Variants in MDFIC observed in about 807,000 individuals in gnomAD.
MDFIC encodes the protein myoD family inhibitor domain-containing protein.
MDFIC carries 17 observed loss-of-function variants against 23.2 expected under a neutral mutation model. That is an observed-to-expected ratio of 0.73 (90% CI 0.50 to 1.10). MDFIC has a LOEUF of 1.10. MDFIC is among the 50% of genes least tolerant of loss of function. The probability of loss-of-function intolerance (pLI) is 0.00; values close to 1 mark genes in which losing one functional copy is unlikely to be tolerated. For missense variants in MDFIC, 356 were observed against 316.6 expected (o/e 1.12, Z -0.95); for synonymous variants, 120 against 115.2 (o/e 1.04, Z -0.27).
At chr7:114,996,622 A>G (rs1176349366) in intron 4 of MDFIC, among the ~76,000 whole-genome samples, 1 of 152,190 alleles carries the variant, frequency 6.6e-6, no homozygotes, top group African/African-American at 2.4e-5. Flanking sequence ...AAGGTGCAGA[A>G]TGTATAGTGG....
chr7:115,002,431 A>T (rs1791483540), intron 4 of MDFIC, among the ~76,000 whole-genome samples: 1 of 152,158 alleles, frequency 6.6e-6, no homozygotes, highest in South Asian at 2.1e-4. Context: ...ATATGTCCCA[A>T]ATTCCTGCAA....
chr7:114,940,949 T>C (rs190652140), intron 2 of MDFIC, among the ~76,000 whole-genome samples: 5 of 152,228 alleles, frequency 3.3e-5, no homozygotes, highest in Admixed American at 3.3e-4. Context: ...AATTAAACTC[T>C]TATCAACTTC....
At chr7:114,985,358 G>A (rs1793492623) in intron 4 of MDFIC, among the ~76,000 whole-genome samples, 1 of 152,224 alleles carries the variant, frequency 6.6e-6, no homozygotes, top group Admixed American at 6.5e-5. Flanking sequence ...TAGCTTCTTG[G>A]AAAAGTCAAT....
At chr7:114,951,274 G>A (rs1045199472) in intron 3 of MDFIC, among the ~76,000 whole-genome samples, 1 of 152,094 alleles carries the variant, frequency 6.6e-6, no homozygotes, top group East Asian at 1.9e-4. Context: ...TTGGCCTAAG[G>A]TCAGTCACCT....
chr7:115,011,081 G>A (rs1445394583), intron 4 of MDFIC, among the ~76,000 whole-genome samples: 2 of 152,202 alleles, frequency 1.3e-5, no homozygotes, highest in Non-Finnish European at 2.9e-5. Flanking sequence ...TCAACCCAGT[G>A]TTAGAAGTGA....
At chr7:114,945,992 G>A (rs148643999) in intron 3 of MDFIC, among the ~76,000 whole-genome samples, 1 of 152,136 alleles carries the variant, frequency 6.6e-6, no homozygotes, top group Non-Finnish European at 1.5e-5. Context: ...TGGTATAATT[G>A]AAGCTATGCC....
chr7:114,923,276 G>T, intron 2 of MDFIC, 149 bp downstream of exon 2: 1 of 1,269,712 alleles, frequency 7.9e-7, no homozygotes, highest in Non-Finnish European at 1.1e-6. Context: ...CGTTACTCAG[G>T]CAAGTTCTTC....
intron 4 of MDFIC, among the ~76,000 whole-genome samples, chr7:115,011,373 A>T (rs1483960457): frequency 6.6e-6 from 1 of 152,216 alleles, no homozygotes; most frequent in East Asian, 1.9e-4. Context: ...TGAAAAATTG[A>T]TGAAAACGTC....
intron 4 of MDFIC, among the ~76,000 whole-genome samples, chr7:114,999,273 A>G (rs1791409551): frequency 6.6e-6 from 1 of 152,192 alleles, no homozygotes; most frequent in Admixed American, 6.5e-5. Flanking sequence ...AGTTATGGGT[A>G]CATAGCTTAA....
chr7:114,922,579 C>T lies in MDFIC; in HGVS notation c.-165C>T. ...CCGGAGGCTCGCTAACTTTCCGGGG[C>T]GGAAGAGGAGGAGGAGGAGGAGGAA... On this transcript the variant is annotated 5_prime_UTR_variant, in exon 1 of 5. Transcript: ENST00000393486. 7.9e-7 allele frequency: 1 copy of T among 1,264,048 alleles called. No homozygotes were observed. The highest frequency in any genetic ancestry group is 1.0e-6 in the Non-Finnish European group (1 of 997,906). The allele number at this position is 1,264,048 out of a possible 1,614,324, so 78.3% of individuals were successfully genotyped here.
In MDFIC at chr7:115,016,116, A is replaced by C. The variant is rs1486918372; in HGVS notation, c.*181A>C. On this transcript the variant is annotated 3_prime_UTR_variant, in exon 5 of 5. Transcript: ENST00000393486. ...CAAATCTACATGGTTTAATATGTGAAATTTTAACTACTTTAACTAGTTTTA... is the reference window on the plus strand; with the variant it reads ...CAAATCTACATGGTTTAATATGTGACATTTTAACTACTTTAACTAGTTTTA... 11 of 599,822 alleles carry C rather than the reference A, an allele frequency of 1.8e-5. No homozygotes were observed. The highest frequency in any genetic ancestry group is 1.4e-4 in the South Asian group (6 of 42,280). 37.2% of individuals were successfully genotyped at this position (599,822 alleles called of 1,614,324 possible). A position where few individuals can be genotyped will look rare whatever the true frequency, so the allele number is the denominator to read the frequency against.
chr7:114,973,792 C>T (rs1227508169), intron 3 of MDFIC, among the ~76,000 whole-genome samples: 1 of 152,148 alleles, frequency 6.6e-6, no homozygotes, highest in Non-Finnish European at 1.5e-5. Context: ...GTGATATAAT[C>T]ATAAAACAAT....
chr7:114,971,307 T>G (rs765943453), intron 3 of MDFIC, among the ~76,000 whole-genome samples: 1 of 152,228 alleles, frequency 6.6e-6, no homozygotes, highest in Non-Finnish European at 1.5e-5. Context: ...TTCTTGCCTT[T>G]ACTTACCTAA....
Position 114,923,320 on chromosome 7 carries a change from A to G in MDFIC, c.94+193A>G, listed in dbSNP as rs150656112. On this transcript the variant is annotated intron_variant, in intron 2 of 4. Coordinates refer to ENST00000393486, the MANE Select transcript of MDFIC (RefSeq NM_001166345.3). ...TGCCCTAGATCAACAACCGGGTAAG[A>G]GGGCGGGAACCGTTGGTCCCTCCAC... 3,953 of 1,150,660 alleles carry G rather than the reference A, an allele frequency of 3.4e-3. 16 individuals carry two copies. The highest frequency in any genetic ancestry group is 6.4e-3 in the Middle Eastern group (26 of 4,046). 71.3% of individuals were successfully genotyped at this position (1,150,660 alleles called of 1,614,324 possible). A position where few individuals can be genotyped will look rare whatever the true frequency, so the allele number is the denominator to read the frequency against.
intron 2 of MDFIC, among the ~76,000 whole-genome samples, chr7:114,941,123 T>C (rs1454657168): frequency 1.3e-5 from 2 of 152,194 alleles, no homozygotes; most frequent in Non-Finnish European, 2.9e-5. Flanking sequence ...TTTGTTTGTT[T>C]GTTTTTTAGT....
At chr7:115,013,980 C>T (rs889209419) in intron 4 of MDFIC, 1 of 985,152 alleles carries the variant, frequency 1.0e-6, no homozygotes, top group Non-Finnish European at 1.2e-6. Context: ...TTTTTCCAGT[C>T]GCTGCATGGA....
At chr7:114,955,438 G>A (rs1792865159) in intron 3 of MDFIC, among the ~76,000 whole-genome samples, 1 of 152,120 alleles carries the variant, frequency 6.6e-6, no homozygotes, top group Non-Finnish European at 1.5e-5. Context: ...CTGGGACTGG[G>A]AGTGTTTAAC....
chr7:114,926,522 T>G (rs953355475), intron 2 of MDFIC, among the ~76,000 whole-genome samples: 1 of 152,148 alleles, frequency 6.6e-6, no homozygotes, highest in Non-Finnish European at 1.5e-5. Context: ...CCCCAAGACA[T>G]TGCATTTGTC....
In MDFIC at chr7:114,962,513, A is replaced by G. The variant is rs141338603; in HGVS notation, c.218-16993A>G. Among the ~76,000 whole-genome samples, 505 of 152,290 alleles carry G rather than the reference A, an allele frequency of 3.3e-3. 3 individuals are homozygous for G. Among genetic ancestry groups the G allele is most frequent in the African/African-American group, 9.9e-3 (411 of 41,552 alleles). ...TTTATGATAAAAACTGCCCTTGGTC[A>G]TCATTCTAACCGTCCATGTTTCCAG... is the stretch of plus-strand genomic sequence containing the variant. On this transcript the variant is annotated intron_variant, in intron 3 of 4. Coordinates refer to ENST00000393486, the MANE Select transcript of MDFIC (RefSeq NM_001166345.3).
Sources: gnomAD v4.1 joint callset for allele counts (sites outside exome capture counted in the v4.1 genomes callset) on GRCh38, gnomAD v4.1.1 for gene constraint, MANE v1.5 for transcripts, NCBI Gene and HGNC (gene_info 2026-07-23, HGNC 2026-07-21) for gene names.